The following RRAS2 variants were observed in gnomAD, a reference collection of about 807,000 sequenced individuals.
RRAS2 encodes RAS related 2.
In RRAS2, 7 loss-of-function variants were observed where a neutral mutation model predicts 27.6. The observed-to-expected ratio is 0.25, with a 90% CI of 0.14 to 0.48. The LOEUF is 0.48. RRAS2 is among the 20% of genes least tolerant of loss of function. The pLI is 0.99. For missense variants in RRAS2, 178 were observed against 256.2 expected, an observed-to-expected ratio of 0.69 and a Z score of 2.08; for synonymous variants, 86 against 90.9, an observed-to-expected ratio of 0.95 and a Z score of 0.31.
intron 1 of RRAS2, among the ~76,000 whole-genome samples, chr11:14,333,669 CAGG>C (rs1848529010): frequency 1.5e-5 from 2 of 130,486 alleles, no homozygotes; most frequent in Non-Finnish European, 1.6e-5. Flanking sequence ...TTTTTGGAGA[CAGG>C]TCTCTGTCGC....
At chr11:14,340,371 A>C (rs1554953117) in intron 1 of RRAS2, among the ~76,000 whole-genome samples, 2 of 151,850 alleles carry the variant, frequency 1.3e-5, no homozygotes, top group African/African-American at 4.8e-5. Context: ...AAAGTGCTGG[A>C]ATTACAGGAG....
intron 1 of RRAS2, among the ~76,000 whole-genome samples, chr11:14,320,260 T>C (rs549852614): frequency 1.9e-4 from 29 of 152,342 alleles, no homozygotes; most frequent in African/African-American, 6.7e-4. Context: ...AACTAAACCT[T>C]TGGCATCCTG....
At chr11:14,286,666 T>A (rs1234426979) in intron 4 of RRAS2, among the ~76,000 whole-genome samples, 1 of 152,238 alleles carries the variant, frequency 6.6e-6, no homozygotes, top group East Asian at 1.9e-4. Context: ...CCAATATACA[T>A]ATATCCAACA....
At chr11:14,352,247 C>T (rs1554954888) in intron 1 of RRAS2, among the ~76,000 whole-genome samples, 1 of 152,148 alleles carries the variant, frequency 6.6e-6, no homozygotes, top group African/African-American at 2.4e-5. Flanking sequence ...CGACAATAAA[C>T]TGACTGCATT....
intron 1 of RRAS2, chr11:14,356,651 C>T (rs1849079386): frequency 2.8e-6 from 1 of 360,824 alleles, no homozygotes; most frequent in Non-Finnish European, 5.3e-6. Flanking sequence ...AAGGTTCATA[C>T]TCTTTATGTA....
intron 1 of RRAS2, among the ~76,000 whole-genome samples, chr11:14,354,814 T>C (rs1849039226): frequency 6.6e-6 from 1 of 151,414 alleles, no homozygotes; most frequent in Admixed American, 6.6e-5. Context: ...GTAACTGGGA[T>C]TACAAGCACG....
chr11:14,323,120 G>A (rs1474698696), intron 1 of RRAS2, among the ~76,000 whole-genome samples: 3 of 151,982 alleles, frequency 2.0e-5, no homozygotes, highest in South Asian at 2.1e-4. Flanking sequence ...ATGGACATAC[G>A]CCTAGAAAAA....
At chr11:14,346,339 G>A (rs1199766664) in intron 1 of RRAS2, among the ~76,000 whole-genome samples, 2 of 152,228 alleles carry the variant, frequency 1.3e-5, no homozygotes, top group Non-Finnish European at 2.9e-5. Flanking sequence ...AGACCTGAGA[G>A]TGTTTCATCA....
At chr11:14,303,951 C>A (rs1313046167) in intron 1 of RRAS2, among the ~76,000 whole-genome samples, 1 of 152,194 alleles carries the variant, frequency 6.6e-6, no homozygotes, top group Non-Finnish European at 1.5e-5. Flanking sequence ...AACTCCAACC[C>A]TCCACCTCTG....
chr11:14,350,898 CTT>C (rs1322115355), intron 1 of RRAS2, among the ~76,000 whole-genome samples: 1 of 152,166 alleles, frequency 6.6e-6, no homozygotes, highest in Non-Finnish European at 1.5e-5. Flanking sequence ...TGCCCTCAGT[CTT>C]TTTCACAGGT....
chr11:14,364,465 A>G (rs782294415), exon 1 of RRAS2: 20 of 1,452,938 alleles, frequency 1.4e-5, no homozygotes, highest in Non-Finnish European at 1.8e-5. Flanking sequence ...AATGGCTGGC[A>G]GAGAATGAAA....
intron 4 of RRAS2, among the ~76,000 whole-genome samples, chr11:14,291,664 G>T (rs1405159553): frequency 2.6e-5 from 4 of 151,246 alleles, no homozygotes; most frequent in Admixed American, 2.0e-4. Context: ...TTTACCCTGA[G>T]AATCTATTAC....
At chr11:14,356,838 G>A (rs965332565) in intron 1 of RRAS2, 1 of 398,120 alleles carries the variant, frequency 2.5e-6, no homozygotes. Flanking sequence ...GTCTCGCTCT[G>A]TTGCCCAGGC....
chr11:14,320,736 G>A (rs929041623), intron 1 of RRAS2, among the ~76,000 whole-genome samples: 3 of 151,876 alleles, frequency 2.0e-5, no homozygotes, highest in Non-Finnish European at 4.4e-5. Context: ...AGGATGGATT[G>A]GTAAAAATAA....
chr11:14,325,787 AC>A (rs1379900329), intron 1 of RRAS2, among the ~76,000 whole-genome samples: 1 of 152,152 alleles, frequency 6.6e-6, no homozygotes, highest in African/African-American at 2.4e-5. Flanking sequence ...AATTTAACAC[AC>A]ATTTTTTAAG....
chr11:14,322,258 C>T (rs1316481090), intron 1 of RRAS2, among the ~76,000 whole-genome samples: 1 of 148,974 alleles, frequency 6.7e-6, no homozygotes, highest in Admixed American at 6.7e-5. Context: ...TGGTGAAACC[C>T]CATCTCTACC....
upstream of RRAS2, among the ~76,000 whole-genome samples, chr11:14,363,703 G>T (rs372564626): frequency 6.6e-6 from 1 of 152,016 alleles, no homozygotes; most frequent in Non-Finnish European, 1.5e-5. Flanking sequence ...CCGGGGAGGC[G>T]GAGGTTGCAG....
rs766173126 is a variant in RRAS2, at chr11:14,310,250, T to A, written c.109-14395A>T. 9.7e-4 allele frequency among the ~76,000 whole-genome samples: 148 copies of A among 152,324 alleles called. 1 individual carries two copies. The highest frequency in any genetic ancestry group is 3.5e-3 in the African/African-American group (145 of 41,584). The stretch of plus-strand genomic sequence containing the variant: ...GAAGAATACAGAGTGGTTTTGTACA[T>A]GTTCTGTTAAGACACTTATTAGACA... On this transcript the variant is annotated intron_variant, in intron 1 of 5. Coordinates refer to ENST00000256196, the MANE Select transcript of RRAS2 (RefSeq NM_012250.6).
intron 1 of RRAS2, among the ~76,000 whole-genome samples, chr11:14,309,323 C>T (rs1296977746): frequency 6.6e-5 from 10 of 152,184 alleles, no homozygotes; most frequent in Non-Finnish European, 1.3e-4. Flanking sequence ...AGAATCTTCC[C>T]TAGGCTCACT....
Sources: gnomAD v4.1 joint callset for allele counts (sites outside exome capture counted in the v4.1 genomes callset) on GRCh38, gnomAD v4.1.1 for gene constraint, MANE v1.5 for transcripts, NCBI Gene and HGNC (gene_info 2026-07-23, HGNC 2026-07-21) for gene names.